Variants in KLHL23 observed in about 807,000 individuals in gnomAD.
KLHL23 encodes kelch-like protein 23.
Under a neutral mutation model 48.9 loss-of-function variants are expected in KLHL23, and 33 were observed. The ratio of observed to expected loss-of-function variants is 0.67; its 90% CI spans 0.51 to 0.90. KLHL23 has a LOEUF of 0.90. Ranked by LOEUF, KLHL23 falls within the 40% of genes least tolerant of loss-of-function variation. The pLI, the probability that KLHL23 is intolerant of heterozygous loss-of-function variation, is 0.00. For missense variants in KLHL23, 608 were observed against 669.6 expected (o/e 0.91, Z 1.02); for synonymous variants, 234 against 231.6 (o/e 1.01, Z -0.09).
chr2:169,734,680 G>A (rs1688470226), intron 1 of KLHL23, among the ~76,000 whole-genome samples: 1 of 152,172 alleles, frequency 6.6e-6, no homozygotes, highest in Non-Finnish European at 1.5e-5. Context: ...CCTCGAGTGG[G>A]GTGACCCTCG....
intron 1 of KLHL23, among the ~76,000 whole-genome samples, chr2:169,734,360 C>T (rs902088429): frequency 3.4e-5 from 5 of 148,640 alleles, no homozygotes; most frequent in African/African-American, 9.7e-5. Context: ...CCCTCGAGTC[C>T]AGCCCCGCTC....
chr2:169,749,267 T>G (rs557598471), intron 3 of KLHL23, among the ~76,000 whole-genome samples, 155 bp from the exon 4 acceptor site: 2 of 152,352 alleles, frequency 1.3e-5, no homozygotes, highest in African/African-American at 4.8e-5. Flanking sequence ...ATTTTCAGCC[T>G]CAGCGTTGCA....
rs1451641284 is a variant in KLHL23 at position 169,736,185 on chromosome 2, C to T, written c.1171C>T (p.Pro391Ser). ...APAEEAEFYD[P>S]LKEKWIPIAN... ...AGCAGAAGAGGCTGAGTTCTATGAT[C>T]CTTTAAAAGAGAAATGGATTCCTAT... Residue 391 changes from proline (P) to serine (S), a missense_variant, in exon 2 of 4, where the codon CCT becomes TCT. Pro to Ser is a moderately conservative substitution (Grantham distance 74). Transcript: ENST00000392647. The T allele has an allele frequency of 6.2e-7, 1 of 1,610,868 alleles. No individual in the cohort carries two copies. Among genetic ancestry groups the T allele is most frequent in the Non-Finnish European group, 8.5e-7 (1 of 1,179,102 alleles).
intron 2 of KLHL23, among the ~76,000 whole-genome samples, chr2:169,736,650 A>C (rs557902362): frequency 1.1e-4 from 17 of 152,160 alleles, no homozygotes; most frequent in Non-Finnish European, 2.2e-4. Flanking sequence ...TTTGCAATTC[A>C]GTCCTCTCTG....
chr2:169,745,678 T>C (rs1688781356), intron 3 of KLHL23, among the ~76,000 whole-genome samples: 1 of 152,050 alleles, frequency 6.6e-6, no homozygotes, highest in South Asian at 2.1e-4. Flanking sequence ...GTGAGGAATG[T>C]CATAGATTCA....
At chr2:169,746,813 A>G (rs910038353) in intron 3 of KLHL23, among the ~76,000 whole-genome samples, 15 of 152,248 alleles carry the variant, frequency 9.9e-5, no homozygotes, top group Non-Finnish European at 2.2e-4. Context: ...AGAAAAGCCT[A>G]GTGAGTGATG....
At chr2:169,737,233 A>G (rs564984804) in intron 2 of KLHL23, among the ~76,000 whole-genome samples, 1 of 152,374 alleles carries the variant, frequency 6.6e-6, no homozygotes, top group African/African-American at 2.4e-5. Flanking sequence ...TGAAGTGCCT[A>G]GAACAGTGTC....
intron 3 of KLHL23, among the ~76,000 whole-genome samples, chr2:169,748,040 C>G (rs1303736984): frequency 1.3e-5 from 2 of 152,182 alleles, no homozygotes; most frequent in Non-Finnish European, 2.9e-5. Context: ...GGGAGGATTA[C>G]TTGAGCCCAG....
At chr2:169,748,813 C>T (rs542410527) in intron 3 of KLHL23, among the ~76,000 whole-genome samples, 19 of 150,316 alleles carry the variant, frequency 1.3e-4, no homozygotes, top group East Asian at 9.9e-4. Context: ...CCCCAGGACC[C>T]GGATCCCACA....
chr2:169,750,027 A>G lies in KLHL23; in HGVS notation c.*295A>G, dbSNP rs1335164050. The G allele has an allele frequency of 2.6e-5, 1 of 39,072 alleles. No homozygotes were observed. The highest frequency in any genetic ancestry group is 7.7e-5 in the African/African-American group (1 of 13,060). The allele number at this position is 39,072 out of a possible 1,614,324, so 2.4% of individuals were successfully genotyped here. ...TGTGTATATATACGTATGTATGTATACATATGTGTATATATAGTATGTATG... is the reference window on the plus strand; with the variant it reads ...TGTGTATATATACGTATGTATGTATGCATATGTGTATATATAGTATGTATG... On this transcript the variant is annotated 3_prime_UTR_variant, in exon 4 of 4. Transcript: ENST00000392647.
rs1553478027 is a variant in KLHL23 at position 169,749,940 on chromosome 2, CAT to C, written c.*213_*214del. On this transcript the variant is annotated 3_prime_UTR_variant, in exon 4 of 4. Transcript: ENST00000392647. ...ATATATATATATATATACACACACACATATATGTGTTCATATATATGTATACA... is the reference window on the plus strand; with the variant it reads ...ATATATATATATATATACACACACACATATGTGTTCATATATATGTATACA... 8 of 197,370 alleles carry C rather than the reference CAT, an allele frequency of 4.1e-5. 1 individual carries two copies. Among genetic ancestry groups the C allele is most frequent in the African/African-American group, 7.8e-5 (2 of 25,624 alleles). The allele number at this position is 197,370 out of a possible 1,614,324, so 12.2% of individuals were successfully genotyped here. A position where few individuals can be genotyped will look rare whatever the true frequency, so the allele number is the denominator to read the frequency against.
chr2:169,747,609 G>A (rs948358579), intron 3 of KLHL23, among the ~76,000 whole-genome samples: 8 of 151,752 alleles, frequency 5.3e-5, no homozygotes, highest in African/African-American at 7.3e-5. Flanking sequence ...TCTGGAAATC[G>A]CATTTCTGAT....
intron 2 of KLHL23, among the ~76,000 whole-genome samples, chr2:169,737,006 A>G (rs910983422): frequency 2.6e-5 from 4 of 152,210 alleles, no homozygotes; most frequent in African/African-American, 4.8e-5. Context: ...TCCTTGGATG[A>G]CAGGCAGGAA....
In KLHL23 at chr2:169,735,911, G is replaced by C. The variant is rs1412318209; in HGVS notation, c.897G>C (p.Trp299Cys). Residue 299 changes from tryptophan to cysteine, a missense_variant, in exon 2 of 4, where the codon TGG (tryptophan) becomes TGC (cysteine). Around this residue, in one of 3 missense-constraint regions of KLHL23, gnomAD observed 419 missense variants for 473.1 expected, o/e 0.89. Coordinates refer to ENST00000392647, the MANE Select transcript of KLHL23 (RefSeq NM_144711.6). The surrounding 1 kb of genome is among the most constrained non-coding windows in gnomAD (Gnocchi z 4.5). ...VHIWDPLTNV[W>C]IQGAEIPDYT... ...TATGGGATCCTTTGACAAATGTTTGGATTCAGGGAGCAGAAATACCAGATT... is the reference window on the plus strand; with the variant it reads ...TATGGGATCCTTTGACAAATGTTTGCATTCAGGGAGCAGAAATACCAGATT... The C allele has an allele frequency of 1.2e-6, 2 of 1,613,978 alleles. No homozygotes were observed. The highest frequency in any genetic ancestry group is 2.7e-5 in the African/African-American group (2 of 74,916).
intron 2 of KLHL23, among the ~76,000 whole-genome samples, chr2:169,737,274 C>T (rs939621303): frequency 6.6e-6 from 1 of 152,200 alleles, no homozygotes; most frequent in Admixed American, 6.5e-5. Flanking sequence ...ATAAATGTTA[C>T]GCATGATTGT....
At chr2:169,738,776 A>G (rs1175387728) in intron 2 of KLHL23, among the ~76,000 whole-genome samples, 1 of 148,314 alleles carries the variant, frequency 6.7e-6, no homozygotes, top group African/African-American at 2.5e-5. Flanking sequence ...TTCAACTAAA[A>G]TGATCCTCAT....
chr2:169,735,650 A>C lies in KLHL23; in HGVS notation c.636A>C (p.Val212=), dbSNP rs761460161. The change falls in exon 2 of 4, where the codon GTA becomes GTC. Residue 212 remains valine (V), a synonymous_variant. Transcript: ENST00000392647. The surrounding 1 kb of genome is among the most constrained non-coding windows in gnomAD (Gnocchi z 4.5). The part of the protein sequence containing the change: ...EPVIKWTAHD[V]ENRIECLYNL... ...TTATTAAGTGGACTGCTCATGATGT[A>C]GAAAATCGAATTGAATGCCTCTATA... 6.2e-7 allele frequency: 1 copy of C among 1,614,072 alleles called. No individual in the cohort carries two copies.
At position 169,750,105 on chromosome 2, in the gene KLHL23, T is replaced by TACGTGTGTATGTATAC. The variant is rs1558952702; in HGVS notation, c.*374_*375insCGTGTGTATGTATACA. 4 of 75,062 alleles carry TACGTGTGTATGTATAC rather than the reference T, an allele frequency of 5.3e-5. No homozygotes were observed. Among genetic ancestry groups the TACGTGTGTATGTATAC allele is most frequent in the African/African-American group, 1.7e-4 (2 of 11,814 alleles). The allele number at this position is 75,062 out of a possible 1,614,324, so 4.6% of individuals were successfully genotyped here. On this transcript the variant is annotated 3_prime_UTR_variant, in exon 4 of 4. Coordinates refer to ENST00000392647, the MANE Select transcript of KLHL23 (RefSeq NM_144711.6). ...GTATGTATACATATATGTGTATACA[T>TACGTGTGTATGTATAC]ATATATGTGTGTATATATATACACA...
At chr2:169,747,073 A>G (rs1336173917) in intron 3 of KLHL23, among the ~76,000 whole-genome samples, 1 of 152,100 alleles carries the variant, frequency 6.6e-6, no homozygotes, top group African/African-American at 2.4e-5. Flanking sequence ...ATCTTCTAAG[A>G]CTTTCCTTAG....
Sources: allele counts gnomAD v4.1 joint callset (sites outside exome capture counted in the v4.1 genomes callset), GRCh38; gene constraint gnomAD v4.1.1; regional missense constraint gnomAD v4.1.1; non-coding constraint Gnocchi (gnomAD v3.1); transcripts MANE v1.5; gene names NCBI Gene and HGNC (gene_info 2026-07-23, HGNC 2026-07-21).